REC8: variants seen among roughly 807,000 people sequenced by gnomAD.
REC8 encodes the protein REC8 meiotic recombination protein, also known as meiotic recombination protein REC8 homolog.
In REC8, 42 loss-of-function variants were observed where a neutral mutation model predicts 78.3. The observed-to-expected ratio is 0.54, with a 90% CI of 0.42 to 0.69. REC8 has a LOEUF of 0.69. Ranked by LOEUF, REC8 falls within the 30% of genes least tolerant of loss-of-function variation. The pLI, the probability that REC8 is intolerant of heterozygous loss-of-function variation, is 0.00. For missense variants in REC8, 581 were observed against 715.8 expected (o/e 0.81, Z 2.15); for synonymous variants, 268 against 274.1 (o/e 0.98, Z 0.22).
intron 13 of REC8, 45 bp downstream of exon 13, chr14:24,178,717 T>C: frequency 1.2e-6 from 2 of 1,613,182 alleles, no homozygotes; most frequent in Non-Finnish European, 1.7e-6. Context: ...CAAAACCAAT[T>C]CCTCATTCCT....
downstream of REC8, chr14:24,180,606 C>T (rs1205299308): frequency 6.2e-7 from 1 of 1,611,982 alleles, no homozygotes; most frequent in Non-Finnish European, 8.5e-7. Context: ...GGTCGGGGCT[C>T]CTAAAGCCTC....
At chr14:24,178,338 T>C in intron 12 of REC8, 116 bp downstream of exon 12, 1 of 969,446 alleles carries the variant, frequency 1.0e-6, no homozygotes, top group Non-Finnish European at 1.6e-6. Flanking sequence ...GGGAACTTGA[T>C]GAAAAATCTC....
Position 24,172,698 on chromosome 14 carries a change from C to T in REC8, c.57-15C>T, listed in dbSNP as rs775619726. The T allele has an allele frequency of 7.5e-5, 121 of 1,614,204 alleles. 2 individuals are homozygous for T. The South Asian group carries it at 1.2e-3, about 16-fold the overall frequency. ...CCCTCCATCCCCATTCTCCCACCTT[C>T]CCCACCCACTTCAGGCTGGCGGCGA... On this transcript the variant is annotated splice_polypyrimidine_tract_variant and intron_variant, in intron 1 of 18. Transcript: ENST00000611366.
chr14:24,180,130 G>C lies in REC8; in HGVS notation c.*35G>C, dbSNP rs753833388. On this transcript the variant is annotated 3_prime_UTR_variant, in exon 19 of 19. Transcript: ENST00000611366. ...CCATTTACAAAGCTGCCAGGAAACCGGCCACTTCTAGTAAACCACGTCGTG... is the reference window on the plus strand; with the variant it reads ...CCATTTACAAAGCTGCCAGGAAACCCGCCACTTCTAGTAAACCACGTCGTG... 5.0e-6 allele frequency: 8 copies of C among 1,613,908 alleles called. No individual in the cohort carries two copies. The highest frequency in any genetic ancestry group is 4.5e-5 in the East Asian group (2 of 44,890).
In REC8 at chr14:24,175,609, G is replaced by C. The variant is rs1310454084; in HGVS notation, c.529G>C (p.Glu177Gln). The C allele has an allele frequency of 6.2e-7, 1 of 1,613,482 alleles. No homozygotes were observed. The highest frequency in any genetic ancestry group is 8.5e-7 in the Non-Finnish European group (1 of 1,179,602). The change falls in exon 6 of 19, where the codon GAG becomes CAG. Residue 177 changes from glutamate to glutamine, a missense_variant. Coordinates refer to ENST00000611366, the MANE Select transcript of REC8 (RefSeq NM_001048205.2). Reference protein sequence around the residue: ...VEEIPPEVPTEPREPERIPVT... With the variant: ...VEEIPPEVPTQPREPERIPVT... ...AGAGATCCCTCCTGAAGTTCCTACA[G>C]AGCCCAGGGAGCCAGGTCAGCAGAG...
At chr14:24,179,039 A>G (rs1446007532) in intron 14 of REC8, 46 bp from the exon 15 acceptor site, 1 of 1,606,416 alleles carries the variant, frequency 6.2e-7, no homozygotes, top group Admixed American at 1.7e-5. Flanking sequence ...TCTGAGGCCC[A>G]AGTCCCAGAT....
At chr14:24,180,556 C>T, downstream of REC8, 2 of 1,614,146 alleles carry the variant, frequency 1.2e-6, no homozygotes, top group Non-Finnish European at 1.7e-6. Context: ...GGAGCAGCAA[C>T]AGTGCGGCCT....
At position 24,177,517 on chromosome 14, in the gene REC8, T is replaced by C. The variant is rs2038954041; in HGVS notation, c.790T>C (p.Trp264Arg). 1 of 1,613,778 alleles carries C rather than the reference T, an allele frequency of 6.2e-7. No individual in the cohort carries two copies. Among genetic ancestry groups the C allele is most frequent in the African/African-American group, 1.3e-5 (1 of 74,940 alleles). ...TCCTGAGGAGCTGAGGCTGACAGGC[T>C]GGGAACCTGGGGCCCTACTCATGGG... is the stretch of plus-strand genomic sequence containing the variant. ...LGPEELRLTG[W>R]EPGALLMEVT... Residue 264 changes from tryptophan (W) to arginine (R), a missense_variant, in exon 10 of 19, where the codon TGG (tryptophan) becomes CGG (arginine). By Grantham distance (101) the Trp-to-Arg change is moderately radical. Coordinates refer to ENST00000611366, the MANE Select transcript of REC8 (RefSeq NM_001048205.2).
chr14:24,172,154 G>A lies in REC8; in HGVS notation c.-399G>A. 4.8e-6 allele frequency: 1 copy of A among 207,198 alleles called. No individual in the cohort carries two copies. Among genetic ancestry groups the A allele is most frequent in the Non-Finnish European group, 9.7e-6 (1 of 102,680 alleles). The allele number at this position is 207,198 out of a possible 1,614,324, so 12.8% of individuals were successfully genotyped here. On this transcript the variant is annotated 5_prime_UTR_variant, in exon 1 of 19. Transcript: ENST00000611366. ...GTGCAAGGCCCAGGGGCCTGACATC[G>A]CTCCCAGCGCTCGAGGACCGAGGCC...
In REC8 at chr14:24,178,542, G is replaced by A. The variant is rs184082363; in HGVS notation, c.997-64G>A. The A allele has an allele frequency of 1.9e-6, 3 of 1,543,452 alleles. No individual in the cohort carries two copies. The Admixed American group carries it at 5.2e-5, about 27-fold the overall frequency. On this transcript the variant is annotated intron_variant, in intron 12 of 18. Transcript: ENST00000611366. ...GCCCCAGAACAGTGCATTGCAAAGAGGCAAAGGGGCCCTGAGGAGTGGCTG... is the reference window on the plus strand; with the variant it reads ...GCCCCAGAACAGTGCATTGCAAAGAAGCAAAGGGGCCCTGAGGAGTGGCTG...
chr14:24,179,522 C>G (rs374519834), intron 16 of REC8, 59 bp downstream of exon 16: 1 of 1,613,666 alleles, frequency 6.2e-7, no homozygotes, highest in Non-Finnish European at 8.5e-7. Context: ...GTGGTGGAAA[C>G]AGCTGCTGGG....
In REC8 at chr14:24,178,467, A is replaced by G. The variant is rs1241648960; in HGVS notation, c.997-139A>G. The stretch of plus-strand genomic sequence containing the variant: ...AGGTTAAAAAGTCCTTCTTTTAGCA[A>G]TGAGCAGGGCAGGCAGGGTCATGAG... On this transcript the variant is annotated intron_variant, in intron 12 of 18. Coordinates refer to ENST00000611366, the MANE Select transcript of REC8 (RefSeq NM_001048205.2). 5 of 935,796 alleles carry G rather than the reference A, an allele frequency of 5.3e-6. No individual in the cohort carries two copies. The African/African-American group carries it at 8.4e-5, about 16-fold the overall frequency. The allele number at this position is 935,796 out of a possible 1,614,324, so 58.0% of individuals were successfully genotyped here. A position where few individuals can be genotyped will look rare whatever the true frequency, so the allele number is the denominator to read the frequency against.
rs200000921 is a variant in REC8, at chr14:24,176,781, G to C, written c.545-41G>C. On this transcript the variant is annotated intron_variant, in intron 6 of 18. Coordinates refer to ENST00000611366, the MANE Select transcript of REC8 (RefSeq NM_001048205.2). ...CTTAACTGCATGGCTGTGGGAATTT[G>C]GAAAGAAGCAGAGAGGCTAGTGACT... 12 of 1,507,798 alleles carry C rather than the reference G, an allele frequency of 8.0e-6. No homozygotes were observed. In the African/African-American group the frequency reaches 1.7e-4, roughly 21 times the overall value. 93.4% of individuals were successfully genotyped at this position (1,507,798 alleles called of 1,614,324 possible). A position where few individuals can be genotyped will look rare whatever the true frequency, so the allele number is the denominator to read the frequency against.
intron 14 of REC8, 74 bp from the exon 15 acceptor site, chr14:24,179,011 C>G: frequency 6.3e-7 from 1 of 1,596,392 alleles, no homozygotes. Flanking sequence ...ACAGCACAGG[C>G]TCACTGGCCT....
downstream of REC8, chr14:24,180,830 G>A: frequency 7.4e-7 from 1 of 1,345,202 alleles, no homozygotes; most frequent in Non-Finnish European, 1.0e-6. Context: ...TCAGGACCAA[G>A]GAGTGGCAGA....
chr14:24,172,703 C>A lies in REC8; in HGVS notation c.57-10C>A. The A allele has an allele frequency of 1.9e-6, 3 of 1,614,228 alleles. No individual in the cohort carries two copies. Among genetic ancestry groups the A allele is most frequent in the Non-Finnish European group, 2.5e-6 (3 of 1,180,028 alleles). ...CATCCCCATTCTCCCACCTTCCCCA[C>A]CCACTTCAGGCTGGCGGCGACTCGC... On this transcript the variant is annotated splice_polypyrimidine_tract_variant and intron_variant, in intron 1 of 18. Transcript: ENST00000611366.
Position 24,175,600 on chromosome 14 carries a change from G to A in REC8, c.520G>A (p.Val174Ile). 8 of 1,614,022 alleles carry A rather than the reference G, an allele frequency of 5.0e-6. No homozygotes were observed. Among genetic ancestry groups the A allele is most frequent in the South Asian group, 1.1e-5 (1 of 91,088 alleles). ...PERVEEIPPE[V>I]PTEPREPERI... Reference sequence around the variant, plus strand: ...GAGAGTTGAAGAGATCCCTCCTGAAGTTCCTACAGAGCCCAGGGAGCCAGG... The same window carrying A: ...GAGAGTTGAAGAGATCCCTCCTGAAATTCCTACAGAGCCCAGGGAGCCAGG... The change falls in exon 6 of 19, where the codon GTT becomes ATT. Residue 174 changes from valine (V) to isoleucine (I), a missense_variant. By Grantham distance (29) the Val-to-Ile change is conservative. Coordinates refer to ENST00000611366, the MANE Select transcript of REC8 (RefSeq NM_001048205.2).
intron 7 of REC8, 32 bp downstream of exon 7, chr14:24,176,933 C>T: frequency 2.4e-5 from 37 of 1,562,358 alleles, no homozygotes; most frequent in Non-Finnish European, 3.2e-5. Flanking sequence ...GCCTGAGGTC[C>T]AGCCCCCTTG....
At position 24,178,230 on chromosome 14, in the gene REC8, C is replaced by G. The variant is rs76652441; in HGVS notation, c.996+8C>G. The G allele has an allele frequency of 9.0e-3, 14,509 of 1,611,660 alleles. 531 individuals carry two copies. The African/African-American group carries it at 0.1, about 11-fold the overall frequency. ...GCCCACTGCTGGGAATGTGTGAGTGCAGCCCAGGCTTTGCCGGGGAAGGGA... is the reference window on the plus strand; with the variant it reads ...GCCCACTGCTGGGAATGTGTGAGTGGAGCCCAGGCTTTGCCGGGGAAGGGA... On this transcript the variant is annotated splice_region_variant and intron_variant, in intron 12 of 18. Transcript: ENST00000611366.
Sources: allele counts gnomAD v4.1 joint callset, GRCh38; gene constraint gnomAD v4.1.1; transcripts MANE v1.5; gene names NCBI Gene and HGNC (gene_info 2026-07-23, HGNC 2026-07-21).